Variants in ZNF442 observed in about 807,000 individuals in gnomAD.
ZNF442 encodes the protein zinc finger protein 442.
Under a neutral mutation model 57.0 loss-of-function variants are expected in ZNF442, and 45 were observed. That is an observed-to-expected ratio of 0.79 (90% CI 0.62 to 1.01). The LOEUF (loss-of-function observed/expected upper bound fraction) is 1.01, where lower values mean the gene tolerates loss of function less well. ZNF442 is among the 50% of genes least tolerant of loss of function. ZNF442 has a pLI of 0.00. For missense variants in ZNF442, 690 were observed against 756.5 expected, an observed-to-expected ratio of 0.91 and a Z score of 1.03; for synonymous variants, 213 against 241.8, an observed-to-expected ratio of 0.88 and a Z score of 1.10.
chr19:12,349,906 A>C lies in ZNF442; in HGVS notation c.1679T>G (p.Leu560Arg), dbSNP rs763221552. ...RKAFSWLTCLLRHERIHTGKK... is the reference protein window; with the variant it reads ...RKAFSWLTCLRRHERIHTGKK... ...TCCAGTGTGAATTCTTTCATGTCGC[A>C]GAAGGCAAGTGAGCCAAGAGAATGC... The change falls in exon 6 of 6, where the codon CTG becomes CGG. Residue 560 changes from leucine to arginine, a missense_variant. Coordinates refer to ENST00000242804, the MANE Select transcript of ZNF442 (RefSeq NM_030824.3). The C allele has an allele frequency of 3.7e-6, 6 of 1,614,124 alleles. No individual in the cohort carries two copies. Among genetic ancestry groups the C allele is most frequent in the Non-Finnish European group, 8.5e-7 (1 of 1,180,018 alleles).
At position 12,349,856 on chromosome 19, in the gene ZNF442, A is replaced by G; in HGVS notation, c.1729T>C (p.Cys577Arg). 1.2e-6 allele frequency: 2 copies of G among 1,613,754 alleles called. No individual in the cohort carries two copies. The highest frequency in any genetic ancestry group is 1.7e-6 in the Non-Finnish European group (2 of 1,179,918). ...CGAGAACGAGTGAAGGCTTTACCAC[A>G]TTGTTGACATTCATAAGATTTCTTT... ...TGKKSYECQQ[C>R]GKAFTRSRFL... is the part of the protein sequence containing the mutation. The change falls in exon 6 of 6, where the codon TGT becomes CGT. Residue 577 changes from cysteine to arginine, a missense_variant. Coordinates refer to ENST00000242804, the MANE Select transcript of ZNF442 (RefSeq NM_030824.3).
In ZNF442 at chr19:12,350,146, G is replaced by A; in HGVS notation, c.1439C>T (p.Thr480Ile). ...ATATGGCTTCTCTCCAGTGTGAGTT[G>A]TTTCATGATTTTGAAAGGAATAGAA... ...IDFYSFQNHE[T>I]THTGEKPYEC... Residue 480 changes from threonine to isoleucine, a missense_variant, in exon 6 of 6, where the codon ACA (threonine) becomes ATA (isoleucine). Physicochemically the swap from Thr to Ile is moderately conservative, Grantham distance 89 (BLOSUM62 -1). Transcript: ENST00000242804. 6.2e-7 allele frequency: 1 copy of A among 1,613,170 alleles called. No individual in the cohort carries two copies. Among genetic ancestry groups the A allele is most frequent in the Middle Eastern group, 1.7e-4 (1 of 6,056 alleles).
upstream of ZNF442, among the ~76,000 whole-genome samples, chr19:12,368,806 C>T (rs1031070264): frequency 1.3e-5 from 2 of 152,146 alleles, no homozygotes; most frequent in Admixed American, 6.5e-5. Context: ...TCTTTCCACA[C>T]GCGGTGAGCA....
intron 3 of ZNF442, among the ~76,000 whole-genome samples, chr19:12,359,969 G>C (rs572276267): frequency 4.9e-4 from 74 of 151,474 alleles, no homozygotes; most frequent in Non-Finnish European, 9.3e-4. Flanking sequence ...CAGAGCTCTC[G>C]AGACTCTCAA....
At chr19:12,362,803 ATTG>A (rs949067555) in intron 3 of ZNF442, among the ~76,000 whole-genome samples, 20 of 151,482 alleles carry the variant, frequency 1.3e-4, no homozygotes, top group Non-Finnish European at 2.4e-4. Context: ...GAGAAATCAG[ATTG>A]TTGTTGTGTC....
chr19:12,372,715 T>A, the ZNF442 span, among the ~76,000 whole-genome samples: 9 of 152,234 alleles, frequency 5.9e-5, no homozygotes, highest in Non-Finnish European at 1.3e-4. Context: ...TTACACCTTT[T>A]ATGACAATTC....
Position 12,365,680 on chromosome 19 carries a change from C to G in ZNF442, c.-630G>C, listed in dbSNP as rs1969521210. ...CGGGAGCTCAGAGGGGTGTAGAAAGCTCCACCCTCCTCCCGGCAGCGCGCC... is the reference window on the plus strand; with the variant it reads ...CGGGAGCTCAGAGGGGTGTAGAAAGGTCCACCCTCCTCCCGGCAGCGCGCC... On this transcript the variant is annotated 5_prime_UTR_variant, in exon 1 of 6. Transcript: ENST00000242804. The G allele has an allele frequency of 9.6e-6, 2 of 208,200 alleles. No individual in the cohort carries two copies. The highest frequency in any genetic ancestry group is 2.0e-5 in the Non-Finnish European group (2 of 101,224). 12.9% of individuals were successfully genotyped at this position (208,200 alleles called of 1,614,324 possible).
rs1374235233 is a variant in ZNF442 at position 12,346,880 on chromosome 19, A to G, written c.*2821T>C. On this transcript the variant is annotated 3_prime_UTR_variant, in exon 6 of 6. Transcript: ENST00000242804. ...CATACTTCCACATATCTCTCTCTCT[A>G]TGAATAGTCAAATTCACAGACAGAG... 3 of 152,232 alleles carry G rather than the reference A, an allele frequency of 2.0e-5. No homozygotes were observed. Among genetic ancestry groups the G allele is most frequent in the Non-Finnish European group, 1.5e-5 (1 of 68,048 alleles). The allele number at this position is 152,232 out of a possible 1,614,324, so 9.4% of individuals were successfully genotyped here.
At chr19:12,368,571 C>T (rs139944415), upstream of ZNF442, among the ~76,000 whole-genome samples, 2,409 of 152,196 alleles carry the variant, frequency 0.016, 19 homozygotes, top group Non-Finnish European at 0.022. Context: ...CGGAGAAGTC[C>T]CTTCACCAAA....
chr19:12,364,385 C>A (rs1194257316), intron 2 of ZNF442, among the ~76,000 whole-genome samples: 4 of 132,868 alleles, frequency 3.0e-5, no homozygotes, highest in Non-Finnish European at 4.7e-5. Context: ...CCAGCCTGGG[C>A]AACAAGAGCA....
At chr19:12,371,970 T>C in the ZNF442 span, among the ~76,000 whole-genome samples, 1 of 152,172 alleles carries the variant, frequency 6.6e-6, no homozygotes, top group Non-Finnish European at 1.5e-5. Flanking sequence ...TTTAAGAGCT[T>C]CTGTACAGCA....
At position 12,349,535 on chromosome 19, in the gene ZNF442, G is replaced by A. The variant is rs147498914; in HGVS notation, c.*166C>T. The A allele has an allele frequency of 7.3e-4, 458 of 630,538 alleles. 3 individuals carry two copies. In the African/African-American group the frequency reaches 7.6e-3, roughly 10 times the overall value. 39.1% of individuals were successfully genotyped at this position (630,538 alleles called of 1,614,324 possible). A position where few individuals can be genotyped will look rare whatever the true frequency, so the allele number is the denominator to read the frequency against. ...ACACAGCATCTGTGGATTTAGGTAT[G>A]CTTAGGGGGTCTGGAACCAATCCCC... On this transcript the variant is annotated 3_prime_UTR_variant, in exon 6 of 6. Coordinates refer to ENST00000242804, the MANE Select transcript of ZNF442 (RefSeq NM_030824.3).
intron 3 of ZNF442, among the ~76,000 whole-genome samples, chr19:12,363,158 C>CAAA (rs886442784): frequency 2.1e-4 from 13 of 60,628 alleles, no homozygotes; most frequent in African/African-American, 6.7e-4. Flanking sequence ...AGCTCCGTCT[C>CAAA]AAAAAAAAAA....
In ZNF442 at chr19:12,348,449, C is replaced by G. The variant is rs370054172; in HGVS notation, c.*1252G>C. 22 of 152,264 alleles carry G rather than the reference C, an allele frequency of 1.4e-4. No homozygotes were observed. In the South Asian group the frequency reaches 2.3e-3, roughly 16 times the overall value. The allele number at this position is 152,264 out of a possible 1,614,324, so 9.4% of individuals were successfully genotyped here. ...TCTGTGTCACCCAAGGGATAACATG[C>G]CAACAAACACTGCAAGGATATTTAA... On this transcript the variant is annotated 3_prime_UTR_variant, in exon 6 of 6. Coordinates refer to ENST00000242804, the MANE Select transcript of ZNF442 (RefSeq NM_030824.3).
At chr19:12,363,326 A>G (rs1969471327) in intron 3 of ZNF442, among the ~76,000 whole-genome samples, 1 of 152,018 alleles carries the variant, frequency 6.6e-6, no homozygotes, top group African/African-American at 2.4e-5. Context: ...CAATGTGACA[A>G]CCTCAGGGAT....
chr19:12,355,993 CCT>C (rs1434254299), intron 3 of ZNF442, among the ~76,000 whole-genome samples: 1 of 150,740 alleles, frequency 6.6e-6, no homozygotes, highest in African/African-American at 2.4e-5. Flanking sequence ...AGAATGAGAC[CCT>C]GTCTCCCCTC....
At position 12,349,024 on chromosome 19, in the gene ZNF442, T is replaced by TAA. The variant is rs1969169738; in HGVS notation, c.*676_*677insTT. 3.9e-5 allele frequency: 1 copy of TAA among 25,380 alleles called. No homozygotes were observed. The highest frequency in any genetic ancestry group is 8.5e-5 in the Non-Finnish European group (1 of 11,746). The allele number at this position is 25,380 out of a possible 1,614,324, so 1.6% of individuals were successfully genotyped here. A position where few individuals can be genotyped will look rare whatever the true frequency, so the allele number is the denominator to read the frequency against. On this transcript the variant is annotated 3_prime_UTR_variant, in exon 6 of 6. Coordinates refer to ENST00000242804, the MANE Select transcript of ZNF442 (RefSeq NM_030824.3). ...GATGAAACCCCGTCTCTACTAAAAA[T>TAA]ACAAAAAAAAAAAAAAAAAAAAAAA...
At chr19:12,356,629 A>G (rs919175596) in intron 3 of ZNF442, among the ~76,000 whole-genome samples, 6 of 151,248 alleles carry the variant, frequency 4.0e-5, no homozygotes, top group Admixed American at 1.3e-4. Flanking sequence ...CTCCGTCTCA[A>G]AAAAAAAAGA....
chr19:12,353,318 T>A (rs1969275261), intron 3 of ZNF442, among the ~76,000 whole-genome samples: 1 of 152,190 alleles, frequency 6.6e-6, no homozygotes, highest in South Asian at 2.1e-4. Flanking sequence ...CACATAATAG[T>A]CAAATAGGAA....
Sources: gnomAD v4.1 joint callset for allele counts (sites outside exome capture counted in the v4.1 genomes callset) on GRCh38, gnomAD v4.1.1 for gene constraint, MANE v1.5 for transcripts, NCBI Gene and HGNC (gene_info 2026-07-23, HGNC 2026-07-21) for gene names.